LMBR1: variants seen among roughly 807,000 people sequenced by gnomAD.
The protein encoded by LMBR1 is limb development membrane protein 1, also known as limb region 1 protein homolog.
In LMBR1, 52 loss-of-function variants were observed where a neutral mutation model predicts 73.9. The ratio of observed to expected loss-of-function variants is 0.70; its 90% confidence interval spans 0.56 to 0.89. The LOEUF is 0.89. Among genes scored for constraint, LMBR1 ranks in the 40% least tolerant of loss-of-function variants. The pLI is 0.00. For missense variants in LMBR1, 539 were observed against 579.8 expected (o/e 0.93, Z 0.72); for synonymous variants, 215 against 209.4 (o/e 1.03, Z -0.23).
intron 1 of LMBR1, among the ~76,000 whole-genome samples, chr7:156,867,768 G>A (rs188177947): frequency 6.6e-6 from 1 of 152,302 alleles, no homozygotes; most frequent in Non-Finnish European, 1.5e-5. Context: ...GCTAGAGGAA[G>A]GAGTATGTGG....
rs1375798559 is a variant in LMBR1, at chr7:156,681,964, G to C, written c.*2114C>G. 6.6e-6 allele frequency: 1 copy of C among 152,270 alleles called. No homozygotes were observed. Among genetic ancestry groups the C allele is most frequent in the Non-Finnish European group, 1.5e-5 (1 of 68,058 alleles). 9.4% of individuals were successfully genotyped at this position (152,270 alleles called of 1,614,324 possible). A position where few individuals can be genotyped will look rare whatever the true frequency, so the allele number is the denominator to read the frequency against. On this transcript the variant is annotated 3_prime_UTR_variant, in exon 17 of 17. Transcript: ENST00000353442. ...TCTCCAGAGGCAGATGCTTGGGCAT[G>C]TGCTCAGGAAGAGCCTCGAGGAACC...
intron 2 of LMBR1, chr7:156,834,582 G>A (rs1278569946): frequency 7.8e-6 from 2 of 255,366 alleles, no homozygotes; most frequent in Admixed American, 8.3e-5. Flanking sequence ...CGGCCTAGGG[G>A]ACAGAAGGAG....
intron 9 of LMBR1, among the ~76,000 whole-genome samples, chr7:156,735,120 A>G (rs1817612275): frequency 6.6e-6 from 1 of 152,200 alleles, no homozygotes; most frequent in Admixed American, 6.5e-5. Flanking sequence ...TTTGGTTCTA[A>G]TTATTTCTGT....
In LMBR1 at chr7:156,710,288, T is replaced by C. The variant is rs528710563; in HGVS notation, c.1225+13824A>G. ...AAAGAAATGTTAACAATATAGGATATGGATGAAAAATTCTTCAGAGAAATA... is the reference window on the plus strand; with the variant it reads ...AAAGAAATGTTAACAATATAGGATACGGATGAAAAATTCTTCAGAGAAATA... On this transcript the variant is annotated intron_variant, in intron 15 of 16. Transcript: ENST00000353442. 4.9e-4 allele frequency among the ~76,000 whole-genome samples: 75 copies of C among 152,194 alleles called. 1 individual carries two copies. Among genetic ancestry groups the C allele is most frequent in the Non-Finnish European group, 9.7e-4 (66 of 68,022 alleles).
intron 1 of LMBR1, among the ~76,000 whole-genome samples, chr7:156,891,053 TG>T (rs1401991727): frequency 1.3e-5 from 2 of 151,270 alleles, no homozygotes; most frequent in African/African-American, 4.9e-5. Flanking sequence ...TAGCTGGGTG[TG>T]GTGGTGTGTG....
chr7:156,716,219 T>A (rs1813178812), intron 15 of LMBR1, among the ~76,000 whole-genome samples: 1 of 152,226 alleles, frequency 6.6e-6, no homozygotes, highest in Admixed American at 6.5e-5. Context: ...AGGATTTGAC[T>A]CTGCCTCAGA....
intron 3 of LMBR1, among the ~76,000 whole-genome samples, chr7:156,833,324 C>T (rs1837011595): frequency 6.6e-6 from 1 of 152,198 alleles, no homozygotes; most frequent in Non-Finnish European, 1.5e-5. Flanking sequence ...ACCTCCCTAT[C>T]ATATCTCACC....
chr7:156,888,100 G>A (rs1243648826), intron 1 of LMBR1, among the ~76,000 whole-genome samples: 3 of 152,160 alleles, frequency 2.0e-5, no homozygotes, highest in African/African-American at 7.2e-5. Context: ...AAAATGGTAT[G>A]GCAGTTCCTC....
chr7:156,776,424 C>A (rs908179534), intron 5 of LMBR1, among the ~76,000 whole-genome samples: 1 of 152,162 alleles, frequency 6.6e-6, no homozygotes, highest in South Asian at 2.1e-4. Flanking sequence ...AACATCCTAG[C>A]TCATCACCTC....
At chr7:156,844,399 T>C (rs1314620380) in intron 1 of LMBR1, among the ~76,000 whole-genome samples, 1 of 152,064 alleles carries the variant, frequency 6.6e-6, no homozygotes, top group Non-Finnish European at 1.5e-5. Flanking sequence ...CAGAACTCAT[T>C]AGACTGTGTT....
In LMBR1 at chr7:156,678,966, G is replaced by A. The variant is rs1411657714; in HGVS notation, c.*5112C>T. On this transcript the variant is annotated 3_prime_UTR_variant, in exon 17 of 17. Transcript: ENST00000353442. ...AATAAAGGTTATAATCTAGAATGAG[G>A]ATACCTGTCATGAATCTTTATCAAC... The A allele has an allele frequency of 6.6e-6, 1 of 152,134 alleles. No homozygotes were observed. Among genetic ancestry groups the A allele is most frequent in the Non-Finnish European group, 1.5e-5 (1 of 68,008 alleles). The allele number at this position is 152,134 out of a possible 1,614,324, so 9.4% of individuals were successfully genotyped here. A position where few individuals can be genotyped will look rare whatever the true frequency, so the allele number is the denominator to read the frequency against.
chr7:156,716,060 T>G (rs549899263), intron 15 of LMBR1, among the ~76,000 whole-genome samples: 1 of 152,270 alleles, frequency 6.6e-6, no homozygotes, highest in Admixed American at 6.5e-5. Flanking sequence ...AAAATACTTA[T>G]TAACTAGATG....
chr7:156,752,858 G>A (rs999557202), intron 9 of LMBR1, among the ~76,000 whole-genome samples: 2 of 151,888 alleles, frequency 1.3e-5, no homozygotes, highest in African/African-American at 4.8e-5. Flanking sequence ...TCGGGTTTCA[G>A]CACAATCCAG....
chr7:156,889,159 T>C (rs1011952361), intron 1 of LMBR1, among the ~76,000 whole-genome samples: 1 of 152,116 alleles, frequency 6.6e-6, no homozygotes, highest in Non-Finnish European at 1.5e-5. Flanking sequence ...AGGACAAATA[T>C]TGTATGGTTC....
intron 15 of LMBR1, among the ~76,000 whole-genome samples, chr7:156,701,741 G>C (rs1019084964): frequency 6.6e-6 from 1 of 152,204 alleles, no homozygotes; most frequent in Non-Finnish European, 1.5e-5. Flanking sequence ...CTATCACCTA[G>C]GTGTTAGACC....
chr7:156,670,232 G>A lies in LMBR1; in HGVS notation n.867-945C>T, dbSNP rs961570640. On this transcript the variant is annotated intron_variant and non_coding_transcript_variant, in intron 4 of 4. Transcript: ENST00000430825. The surrounding 1 kb of genome is among the most constrained non-coding windows in gnomAD (Gnocchi z 4.3). ...GGGCACACACATTTCCTTCTTTGCA[G>A]AGGAGCTGGATGCTAAGCACGGCTG... Among the ~76,000 whole-genome samples, 1 of 152,206 alleles carries A rather than the reference G, an allele frequency of 6.6e-6. No individual in the cohort carries two copies. Among genetic ancestry groups the A allele is most frequent in the Non-Finnish European group, 1.5e-5 (1 of 68,034 alleles).
At chr7:156,691,156 G>A (rs1029783358) in intron 15 of LMBR1, among the ~76,000 whole-genome samples, 9 of 152,120 alleles carry the variant, frequency 5.9e-5, no homozygotes, top group African/African-American at 2.2e-4. Flanking sequence ...CTATTAGAAA[G>A]ATCTAATTAT....
intron 8 of LMBR1, among the ~76,000 whole-genome samples, chr7:156,761,332 A>C (rs1822948819): frequency 6.6e-6 from 1 of 152,234 alleles, no homozygotes; most frequent in African/African-American, 2.4e-5. Flanking sequence ...GACCAAAGAA[A>C]GCGACAAATC....
At position 156,681,279 on chromosome 7, in the gene LMBR1, C is replaced by T. The variant is rs189171531; in HGVS notation, c.*2799G>A. 2.9e-5 allele frequency: 12 copies of T among 410,128 alleles called. No individual in the cohort carries two copies. The East Asian group carries it at 3.6e-4, about 12-fold the overall frequency. The allele number at this position is 410,128 out of a possible 1,614,324, so 25.4% of individuals were successfully genotyped here. ...CTGCCGCTGAGAGCAGGTACACGTGCGCCTTTAACACATCTGAGAGCAAAA... is the reference window on the plus strand; with the variant it reads ...CTGCCGCTGAGAGCAGGTACACGTGTGCCTTTAACACATCTGAGAGCAAAA... On this transcript the variant is annotated 3_prime_UTR_variant, in exon 17 of 17. Transcript: ENST00000353442.
Sources: gnomAD v4.1 joint callset for allele counts (sites outside exome capture counted in the v4.1 genomes callset) on GRCh38, gnomAD v4.1.1 for gene constraint, Gnocchi (gnomAD v3.1) non-coding constraint, MANE v1.5 for transcripts, NCBI Gene and HGNC (gene_info 2026-07-23, HGNC 2026-07-21) for gene names.